EDA: variants seen among roughly 807,000 people sequenced by gnomAD.
EDA encodes ectodysplasin-A.
In EDA, 2 loss-of-function variants were observed where a neutral mutation model predicts 23.6. The observed-to-expected ratio is 0.08, with a 90% CI of 0.03 to 0.27. EDA has a LOEUF of 0.27. EDA is among the 10% of genes least tolerant of loss of function. The pLI, the probability that EDA is intolerant of heterozygous loss-of-function variation, is 1.00. For missense variants in EDA, 229 were observed against 324.2 expected (o/e 0.71, Z 2.26); for synonymous variants, 131 against 132.0 (o/e 0.99, Z 0.05).
At chrX:69,714,857 T>G (rs2012252378) in intron 1 of EDA, among the ~76,000 whole-genome samples, 1 of 110,750 alleles carries the variant, frequency 9.0e-6, no homozygotes, top group African/African-American at 3.3e-5. Context: ...TCCAGGGTTG[T>G]TCTACCTATT....
At chrX:69,697,362 G>C (rs1398896388) in intron 1 of EDA, among the ~76,000 whole-genome samples, 2 of 111,108 alleles carry the variant, frequency 1.8e-5, no homozygotes, top group African/African-American at 3.3e-5. Context: ...TTGGGACTGG[G>C]CCTGAGAAGG....
chrX:69,822,326 T>G (rs1334044294), intron 1 of EDA, among the ~76,000 whole-genome samples: 1 of 111,147 alleles, frequency 9.0e-6, no homozygotes, highest in African/African-American at 3.3e-5. Flanking sequence ...CCTAACTTTT[T>G]ACCTTCAAAA....
chrX:69,888,809 T>G (rs1348866102), intron 1 of EDA, among the ~76,000 whole-genome samples: 3 of 103,775 alleles, frequency 2.9e-5, no homozygotes, highest in Non-Finnish European at 5.9e-5. Flanking sequence ...TACTACATTT[T>G]GTTTATCCAC....
intron 1 of EDA, among the ~76,000 whole-genome samples, chrX:69,799,710 A>AC (rs1301930436): frequency 1.9e-5 from 2 of 106,374 alleles, no homozygotes; most frequent in Non-Finnish European, 3.9e-5. Context: ...AAAAAAAAAA[A>AC]CCCACAGATG....
chrX:69,896,173 A>T (rs1410753498), intron 1 of EDA, among the ~76,000 whole-genome samples: 1 of 111,049 alleles, frequency 9.0e-6, no homozygotes, highest in East Asian at 2.8e-4. Flanking sequence ...CATTTCTGAT[A>T]TCTCTCTGTA....
At chrX:69,655,234 A>G (rs1933265666) in intron 1 of EDA, among the ~76,000 whole-genome samples, 1 of 111,403 alleles carries the variant, frequency 9.0e-6, no homozygotes. Context: ...CGTCTCTACT[A>G]AAAATACAAA....
intron 1 of EDA, among the ~76,000 whole-genome samples, chrX:69,655,534 AAG>A (rs1000502033): frequency 1.4e-4 from 3 of 20,945 alleles, no homozygotes; most frequent in East Asian, 0.14. Flanking sequence ...CAGATTACTC[AAG>A]TCAAACTAGA....
chrX:69,828,424 T>C (rs1184240826), intron 1 of EDA, among the ~76,000 whole-genome samples: 1 of 112,248 alleles, frequency 8.9e-6, no homozygotes, highest in Admixed American at 9.4e-5. Flanking sequence ...TTAAGCCCAT[T>C]GGAAAAGCGC....
At chrX:69,693,278 G>A (rs897811820) in intron 1 of EDA, 1 of 111,383 alleles carries the variant, frequency 9.0e-6, no homozygotes, top group Non-Finnish European at 1.9e-5. Flanking sequence ...TCACTCCTCT[G>A]CTTTCTCTGT....
At chrX:69,835,510 T>C (rs2016748835) in intron 1 of EDA, among the ~76,000 whole-genome samples, 2 of 112,103 alleles carry the variant, frequency 1.8e-5, no homozygotes, top group Non-Finnish European at 3.8e-5. Context: ...AAATCAGCTA[T>C]TGAAGCTTGT....
At chrX:69,836,889 T>A (rs2147553590) in intron 1 of EDA, among the ~76,000 whole-genome samples, 1 of 112,468 alleles carries the variant, frequency 8.9e-6, no homozygotes, top group South Asian at 3.7e-4. Context: ...AATCCTTTTA[T>A]GATAGGCTAA....
At chrX:69,769,078 T>C (rs1019444097) in intron 1 of EDA, among the ~76,000 whole-genome samples, 1 of 111,792 alleles carries the variant, frequency 8.9e-6, no homozygotes. Flanking sequence ...TTAAAATTTG[T>C]TGAGACTTGT....
intron 1 of EDA, among the ~76,000 whole-genome samples, chrX:69,752,875 T>A (rs1402243942): frequency 1.8e-5 from 2 of 112,323 alleles, no homozygotes; most frequent in Non-Finnish European, 3.8e-5. Context: ...GAGGTGTTTA[T>A]AGTATTCTCT....
intron 2 of EDA, among the ~76,000 whole-genome samples, chrX:69,982,514 A>G (rs1237015996): frequency 9.0e-6 from 1 of 110,830 alleles, no homozygotes; most frequent in African/African-American, 3.3e-5. Flanking sequence ...GTTTCCTTAG[A>G]CTCTCTTTTA....
intron 1 of EDA, among the ~76,000 whole-genome samples, chrX:69,825,702 G>C (rs1396234837): frequency 8.9e-6 from 1 of 112,428 alleles, no homozygotes; most frequent in African/African-American, 3.2e-5. Flanking sequence ...ATTTCCTTCA[G>C]TTCTGCTCTG....
intron 1 of EDA, among the ~76,000 whole-genome samples, chrX:69,765,193 G>GA (rs1340526274): frequency 8.9e-6 from 1 of 112,005 alleles, no homozygotes; most frequent in Non-Finnish European, 1.9e-5. Flanking sequence ...CCTAAGAAGA[G>GA]AATTGGCTTA....
At chrX:69,895,040 TG>T (rs1228885218) in intron 1 of EDA, among the ~76,000 whole-genome samples, 3 of 111,288 alleles carry the variant, frequency 2.7e-5, no homozygotes, top group Non-Finnish European at 5.6e-5. Context: ...GATGTGGCTA[TG>T]GGTTTGTCAT....
At chrX:69,906,071 A>G (rs1367254087) in intron 1 of EDA, among the ~76,000 whole-genome samples, 1 of 111,861 alleles carries the variant, frequency 8.9e-6, no homozygotes, top group East Asian at 2.8e-4. Flanking sequence ...AGTATAGACT[A>G]TACCCCAGCA....
At chrX:69,826,184 G>T (rs1229270989) in intron 1 of EDA, among the ~76,000 whole-genome samples, 2 of 111,657 alleles carry the variant, frequency 1.8e-5, no homozygotes, top group African/African-American at 3.3e-5. Flanking sequence ...TGTTGATTTG[G>T]GGTGGAGAGT....
Sources: allele counts gnomAD v4.1 joint callset (sites outside exome capture counted in the v4.1 genomes callset), GRCh38; gene constraint gnomAD v4.1.1; transcripts MANE v1.5; gene names NCBI Gene and HGNC (gene_info 2026-07-23, HGNC 2026-07-21).